The following TUBB6 variants were observed in gnomAD, a reference collection of about 807,000 sequenced individuals.
The protein encoded by TUBB6 is tubulin beta-6 chain.
In TUBB6, 18 loss-of-function variants were observed where a neutral mutation model predicts 32.3. The ratio of observed to expected loss-of-function variants is 0.56; its 90% confidence interval spans 0.39 to 0.83. The LOEUF is 0.83. Ranked by LOEUF, TUBB6 falls within the 40% of genes least tolerant of loss-of-function variation. The pLI is 0.00. For synonymous variants in TUBB6, 280 were observed against 265.8 expected (o/e 1.05, Z -0.52); for missense variants, 480 against 632.0 (o/e 0.76, Z 2.58).
intron 3 of TUBB6, among the ~76,000 whole-genome samples, chr18:12,317,691 T>C (rs9284396): frequency 0.98 from 149,587 of 152,286 alleles, 73,525 homozygotes; most frequent in East Asian, 1. Flanking sequence ...ATTGTGAGCT[T>C]GAAACCAGAG....
chr18:12,314,418 T>A (rs1002998868), intron 3 of TUBB6, among the ~76,000 whole-genome samples: 8 of 152,002 alleles, frequency 5.3e-5, no homozygotes, highest in African/African-American at 1.9e-4. Flanking sequence ...GTTGGCTGAG[T>A]CTACCGTAGT....
chr18:12,308,829 G>T (rs759214818), intron 2 of TUBB6, 34 bp downstream of exon 2: 21 of 1,431,308 alleles, frequency 1.5e-5, no homozygotes, highest in Non-Finnish European at 1.9e-5. Context: ...CTGCCCGGCC[G>T]GGACCCGCGT....
rs1272642814 is a variant in TUBB6 at position 12,326,305 on chromosome 18, CAG to C, written c.*179_*180del. On this transcript the variant is annotated 3_prime_UTR_variant, in exon 4 of 4. Coordinates refer to ENST00000317702, the MANE Select transcript of TUBB6 (RefSeq NM_032525.3). The stretch of plus-strand genomic sequence containing the variant: ...CATCTGGAACAAAGACTAAAAACAG[CAG>C]AGAATTGCGGGTTCTACCCAGTCAG... 2.0e-6 allele frequency: 2 copies of C among 1,000,514 alleles called. No individual in the cohort carries two copies. The highest frequency in any genetic ancestry group is 2.8e-6 in the Non-Finnish European group (2 of 707,986). The allele number at this position is 1,000,514 out of a possible 1,614,324, so 62.0% of individuals were successfully genotyped here. A position where few individuals can be genotyped will look rare whatever the true frequency, so the allele number is the denominator to read the frequency against.
rs767366051 is a variant in TUBB6 at position 12,326,132 on chromosome 18, C to G, written c.*2C>G. 2 of 1,607,248 alleles carry G rather than the reference C, an allele frequency of 1.2e-6. No homozygotes were observed. Among genetic ancestry groups the G allele is most frequent in the Non-Finnish European group, 1.7e-6 (2 of 1,176,254 alleles). On this transcript the variant is annotated 3_prime_UTR_variant, in exon 4 of 4. Transcript: ENST00000317702. ...GAGGAAGAGGAGATCGATGGATAGT[C>G]GGAATAGAGCCGCCCCAACTCAGAT...
At chr18:12,317,109 T>C (rs1598804610) in intron 3 of TUBB6, among the ~76,000 whole-genome samples, 1 of 150,680 alleles carries the variant, frequency 6.6e-6, no homozygotes, top group East Asian at 2.0e-4. Context: ...TGAGCCGAGA[T>C]TGAGCCATTG....
chr18:12,317,590 C>G (rs545558642), intron 3 of TUBB6, among the ~76,000 whole-genome samples: 2 of 152,222 alleles, frequency 1.3e-5, no homozygotes. Context: ...GTTCTTCCAG[C>G]CTCTTTCTGT....
intron 3 of TUBB6, among the ~76,000 whole-genome samples, chr18:12,324,315 A>G (rs964347263): frequency 3.1e-4 from 47 of 152,112 alleles, no homozygotes; most frequent in African/African-American, 1.1e-3. Context: ...GCTTGCAATG[A>G]GCCGAGATTG....
intron 3 of TUBB6, among the ~76,000 whole-genome samples, chr18:12,314,356 T>G (rs1306766817): frequency 1.3e-5 from 2 of 152,054 alleles, no homozygotes; most frequent in Non-Finnish European, 2.9e-5. Flanking sequence ...AGTGGATTTT[T>G]GGTGAGAATC....
At position 12,312,506 on chromosome 18, in the gene TUBB6, G is replaced by A. The variant is rs1450085903; in HGVS notation, c.277+1453G>A. Among the ~76,000 whole-genome samples the A allele has an allele frequency of 2.0e-5, 3 of 152,216 alleles. No homozygotes were observed. In the East Asian group the frequency reaches 5.8e-4, roughly 29 times the overall value. On this transcript the variant is annotated intron_variant, in intron 3 of 3. Coordinates refer to ENST00000317702, the MANE Select transcript of TUBB6 (RefSeq NM_032525.3). ...CAAGTGGGACTGTCTACCTCTTAGT[G>A]AGATGTAAGGATTAAATAAACACTT...
downstream of TUBB6, chr18:12,329,004 T>C (rs1469948845): frequency 3.3e-6 from 2 of 610,164 alleles, no homozygotes; most frequent in Non-Finnish European, 5.8e-6. Context: ...CATATTTACA[T>C]AATACATTCA....
chr18:12,315,206 A>C (rs1483229248), intron 3 of TUBB6, among the ~76,000 whole-genome samples: 3 of 152,228 alleles, frequency 2.0e-5, no homozygotes, highest in Non-Finnish European at 4.4e-5. Context: ...CATAATTTTT[A>C]ATAGCTCCAT....
chr18:12,325,217 C>T lies in TUBB6; in HGVS notation c.428C>T (p.Thr143Met), dbSNP rs1907215927. 1.9e-6 allele frequency: 3 copies of T among 1,614,146 alleles called. No individual in the cohort carries two copies. The highest frequency in any genetic ancestry group is 1.7e-6 in the Non-Finnish European group (2 of 1,180,004). Residue 143 changes from threonine to methionine, a missense_variant, in exon 4 of 4, where the codon ACG becomes ATG. Thr to Met is a moderately conservative substitution (Grantham distance 81). Coordinates refer to ENST00000317702, the MANE Select transcript of TUBB6 (RefSeq NM_032525.3). ...FQLTHSLGGG[T>M]GSGMGTLLIS... ...CTCACGCACTCGCTGGGCGGCGGCA[C>T]GGGCTCAGGCATGGGCACGCTGCTC...
rs1031531692 is a variant in TUBB6, at chr18:12,308,504, C to T, written c.57+155C>T. The T allele has an allele frequency of 1.4e-4, 98 of 718,048 alleles. No homozygotes were observed. The African/African-American group carries it at 1.7e-3, about 13-fold the overall frequency. 44.5% of individuals were successfully genotyped at this position (718,048 alleles called of 1,614,324 possible). A position where few individuals can be genotyped will look rare whatever the true frequency, so the allele number is the denominator to read the frequency against. ...GCGAGGGCCGCAGGGAGGGAGCGCC[C>T]GGGGCGTGGCCGGCCGGGGACCTTC... On this transcript the variant is annotated intron_variant, in intron 1 of 3. Transcript: ENST00000317702.
downstream of TUBB6, chr18:12,329,389 C>T: frequency 1.4e-6 from 1 of 721,410 alleles, no homozygotes; most frequent in Non-Finnish European, 2.4e-6. Context: ...AGTCACCTGC[C>T]ACCCACTGTG....
At chr18:12,326,638 G>A (rs185294009), downstream of TUBB6, 29 of 160,210 alleles carry the variant, frequency 1.8e-4, no homozygotes, top group Non-Finnish European at 2.9e-4. Flanking sequence ...TGGGTCACTG[G>A]TCTCTCCCTG....
In TUBB6 at chr18:12,317,331, G is replaced by A. The variant is rs376564158; in HGVS notation, c.277+6278G>A. ...TTTTAAATTAGCTAGGCGTGGTGGT[G>A]TGCACCTGGGGTCCCAGCTATTCAG... On this transcript the variant is annotated intron_variant, in intron 3 of 3. Transcript: ENST00000317702. Among the ~76,000 whole-genome samples, 5 of 152,162 alleles carry A rather than the reference G, an allele frequency of 3.3e-5. No homozygotes were observed. In the East Asian group the frequency reaches 5.8e-4, roughly 18 times the overall value.
chr18:12,328,608 G>C (rs1598815216), downstream of TUBB6, among the ~76,000 whole-genome samples: 1 of 152,314 alleles, frequency 6.6e-6, no homozygotes, highest in Middle Eastern at 3.4e-3. Context: ...TGACGGCTCA[G>C]GTCAGCCTGC....
At chr18:12,314,963 C>CTT (rs5823207) in intron 3 of TUBB6, among the ~76,000 whole-genome samples, 2 of 150,840 alleles carry the variant, frequency 1.3e-5, no homozygotes, top group African/African-American at 4.9e-5. Flanking sequence ...TTAAACTTTG[C>CTT]TTTTTTTTTT....
intron 3 of TUBB6, among the ~76,000 whole-genome samples, chr18:12,321,889 T>C (rs1344070474): frequency 6.6e-6 from 1 of 151,896 alleles, no homozygotes; most frequent in African/African-American, 2.4e-5. Flanking sequence ...AGAGTGAGAG[T>C]GTATTTAGTA....
Sources: gnomAD v4.1 joint callset for allele counts (sites outside exome capture counted in the v4.1 genomes callset) on GRCh38, gnomAD v4.1.1 for gene constraint, MANE v1.5 for transcripts, NCBI Gene and HGNC (gene_info 2026-07-23, HGNC 2026-07-21) for gene names.